TACR3: variants seen among roughly 807,000 people sequenced by gnomAD.
TACR3 encodes tachykinin receptor 3.
TACR3 carries 34 observed loss-of-function variants against 35.0 expected under a neutral mutation model. That is an observed-to-expected ratio of 0.97 (90% CI 0.74 to 1.30). TACR3 has a LOEUF of 1.30. Ranked by LOEUF, TACR3 falls within the 50% of genes most tolerant of loss-of-function variation. The pLI is 0.00. For missense variants in TACR3, 558 were observed against 591.7 expected (o/e 0.94, Z 0.59); for synonymous variants, 233 against 221.1 (o/e 1.05, Z -0.48).
intron 3 of TACR3, among the ~76,000 whole-genome samples, chr4:103,602,698 A>T (rs1724238420): frequency 6.6e-6 from 1 of 152,238 alleles, no homozygotes; most frequent in African/African-American, 2.4e-5. Flanking sequence ...TGGCTGCAGA[A>T]CAGCGGATAT....
At chr4:103,633,850 A>G (rs1725121540) in intron 3 of TACR3, among the ~76,000 whole-genome samples, 1 of 152,084 alleles carries the variant, frequency 6.6e-6, no homozygotes, top group Non-Finnish European at 1.5e-5. Context: ...CTGTTTTATG[A>G]CCACAGATAT....
chr4:103,629,377 A>G (rs1241960746), intron 3 of TACR3, among the ~76,000 whole-genome samples: 1 of 152,166 alleles, frequency 6.6e-6, no homozygotes, highest in African/African-American at 2.4e-5. Flanking sequence ...ACATGATTGT[A>G]TATCTAGAAA....
At chr4:103,641,885 A>G (rs1725363521) in intron 3 of TACR3, among the ~76,000 whole-genome samples, 1 of 151,948 alleles carries the variant, frequency 6.6e-6, no homozygotes, top group South Asian at 2.1e-4. Flanking sequence ...AGAAAGGCAA[A>G]TACTTCATAA....
At chr4:103,629,870 A>T (rs1233520330) in intron 3 of TACR3, among the ~76,000 whole-genome samples, 1 of 108,296 alleles carries the variant, frequency 9.2e-6, no homozygotes, top group South Asian at 3.0e-4. Context: ...ACAAAAAAAA[A>T]ACAAAAAAAA....
intron 1 of TACR3, among the ~76,000 whole-genome samples, chr4:103,660,617 T>C (rs1286680340): frequency 1.3e-5 from 2 of 152,028 alleles, no homozygotes; most frequent in Non-Finnish European, 2.9e-5. Context: ...GCCTTGATTG[T>C]GGCGATATCA....
Position 103,596,541 on chromosome 4 carries a change from G to A in TACR3, c.889-4858C>T, listed in dbSNP as rs1302170102. Among the ~76,000 whole-genome samples, 5 of 152,024 alleles carry A rather than the reference G, an allele frequency of 3.3e-5. No homozygotes were observed. The East Asian group carries it at 9.6e-4, about 29-fold the overall frequency. On this transcript the variant is annotated intron_variant, in intron 3 of 4. Transcript: ENST00000304883. ...TAAATGCTTGGAATAAAAATGGTCAGCTAGGTGTGACAAAAAACAAAACAA... is the reference window on the plus strand; with the variant it reads ...TAAATGCTTGGAATAAAAATGGTCAACTAGGTGTGACAAAAAACAAAACAA...
chr4:103,591,848 G>A (rs987096602), intron 3 of TACR3, among the ~76,000 whole-genome samples, 165 bp from the exon 4 acceptor site: 7 of 152,146 alleles, frequency 4.6e-5, no homozygotes, highest in African/African-American at 1.7e-4. Flanking sequence ...GTTGCCTAAG[G>A]TAAGTCTCAA....
chr4:103,619,666 G>A (rs1724734741), intron 3 of TACR3, among the ~76,000 whole-genome samples: 1 of 146,030 alleles, frequency 6.8e-6, no homozygotes, highest in Non-Finnish European at 1.5e-5. Context: ...CGTTACAGAT[G>A]GCTCTTATTA....
At chr4:103,607,206 T>G (rs1426029404) in intron 3 of TACR3, among the ~76,000 whole-genome samples, 1 of 152,172 alleles carries the variant, frequency 6.6e-6, no homozygotes, top group Non-Finnish European at 1.5e-5. Flanking sequence ...GTAACAGATA[T>G]GCGGTATTGT....
At chr4:103,591,198 C>T in intron 4 of TACR3, 1 of 443,500 alleles carries the variant, frequency 2.3e-6, no homozygotes, top group Non-Finnish European at 4.1e-6. Context: ...ACTTCTTTTT[C>T]TTTGGCAGGT....
chr4:103,598,013 C>A (rs1724081884), intron 3 of TACR3, among the ~76,000 whole-genome samples: 1 of 152,142 alleles, frequency 6.6e-6, no homozygotes, highest in African/African-American at 2.4e-5. Flanking sequence ...TTCTAGATCC[C>A]TGAGGAATCG....
intron 1 of TACR3, among the ~76,000 whole-genome samples, chr4:103,709,595 CAACT>C (rs1560540737): frequency 6.6e-6 from 1 of 152,124 alleles, no homozygotes; most frequent in Non-Finnish European, 1.5e-5. Flanking sequence ...GAAACTGCAT[CAACT>C]AACGAGCAAA....
intron 3 of TACR3, among the ~76,000 whole-genome samples, chr4:103,636,926 TGAA>T (rs1489239315): frequency 2.0e-5 from 3 of 152,114 alleles, no homozygotes; most frequent in African/African-American, 7.2e-5. Flanking sequence ...TAACAGGCTC[TGAA>T]ATTGTGGCAA....
intron 3 of TACR3, among the ~76,000 whole-genome samples, chr4:103,651,533 G>A (rs559939201): frequency 6.6e-6 from 1 of 151,716 alleles, no homozygotes; most frequent in Non-Finnish European, 1.5e-5. Flanking sequence ...TTGTCCAAGT[G>A]TCAAGGTCTG....
intron 1 of TACR3, among the ~76,000 whole-genome samples, chr4:103,706,015 CG>C (rs1321059404): frequency 2.0e-5 from 3 of 151,934 alleles, no homozygotes; most frequent in Non-Finnish European, 2.9e-5. Flanking sequence ...AGCCTGGATG[CG>C]GGGAGACCAA....
chr4:103,697,767 G>A (rs2110221032), intron 1 of TACR3, among the ~76,000 whole-genome samples: 1 of 152,146 alleles, frequency 6.6e-6, no homozygotes, highest in East Asian at 1.9e-4. Flanking sequence ...TCAAATTTGT[G>A]TGCAGTGAGA....
chr4:103,679,043 G>A (rs1726233590), intron 1 of TACR3, among the ~76,000 whole-genome samples: 3 of 151,894 alleles, frequency 2.0e-5, no homozygotes, highest in Admixed American at 2.0e-4. Flanking sequence ...TTAATTTTCT[G>A]TATGGTGGAT....
At chr4:103,690,381 A>C (rs1722375206) in intron 1 of TACR3, among the ~76,000 whole-genome samples, 1 of 152,152 alleles carries the variant, frequency 6.6e-6, no homozygotes, top group Non-Finnish European at 1.5e-5. Flanking sequence ...TATTAGACAA[A>C]ATAGTCTTTA....
chr4:103,719,818 C>T lies in TACR3; in HGVS notation c.-143G>A. 4 of 1,113,452 alleles carry T rather than the reference C, an allele frequency of 3.6e-6. No individual in the cohort carries two copies. In the South Asian group the frequency reaches 4.2e-5, roughly 12 times the overall value. 69.0% of individuals were successfully genotyped at this position (1,113,452 alleles called of 1,614,324 possible). On this transcript the variant is annotated 5_prime_UTR_variant, in exon 1 of 5. Coordinates refer to ENST00000304883, the MANE Select transcript of TACR3 (RefSeq NM_001059.3). ...CTGGAAGCTGAAAGATACTGCAATC[C>T]CTGCTGGTTAGGGGATGCAGCTGGG...
Sources: gnomAD v4.1 joint callset for allele counts (sites outside exome capture counted in the v4.1 genomes callset) on GRCh38, gnomAD v4.1.1 for gene constraint, MANE v1.5 for transcripts, NCBI Gene and HGNC (gene_info 2026-07-23, HGNC 2026-07-21) for gene names.